CD28: variants seen among roughly 807,000 people sequenced by gnomAD.
CD28 encodes the protein T-cell-specific surface glycoprotein CD28.
In CD28, 8 loss-of-function variants were observed where a neutral mutation model predicts 21.4. That is an observed-to-expected ratio of 0.37 (90% CI 0.22 to 0.68). The LOEUF is 0.68. Among genes scored for constraint, CD28 ranks in the 30% least tolerant of loss-of-function variants. The pLI, the probability that CD28 is intolerant of heterozygous loss-of-function variation, is 0.55. For missense variants in CD28, 239 were observed against 272.2 expected (o/e 0.88, Z 0.86); for synonymous variants, 106 against 104.0 (o/e 1.02, Z -0.12).
At chr2:203,729,875 G>A in intron 3 of CD28, 103 bp downstream of exon 3, 2 of 1,182,300 alleles carry the variant, frequency 1.7e-6, no homozygotes, top group East Asian at 2.4e-5. Flanking sequence ...TTTAATATAG[G>A]ATGATGATTT....
At chr2:203,728,968 G>A (rs1446450341) in intron 2 of CD28, among the ~76,000 whole-genome samples, 1 of 152,140 alleles carries the variant, frequency 6.6e-6, no homozygotes, top group Non-Finnish European at 1.5e-5. Context: ...GTTGAGGAAG[G>A]GGTGCTGGAC....
chr2:203,716,357 T>C (rs184279163), intron 1 of CD28, among the ~76,000 whole-genome samples: 1 of 152,354 alleles, frequency 6.6e-6, no homozygotes, highest in Non-Finnish European at 1.5e-5. Flanking sequence ...AAAGGGTTCA[T>C]GTACCACGGA....
chr2:203,735,030 C>CA lies in CD28; in HGVS notation c.*120dup. 8.1e-7 allele frequency: 1 copy of CA among 1,237,826 alleles called. No homozygotes were observed. Among genetic ancestry groups the CA allele is most frequent in the Non-Finnish European group, 1.1e-6 (1 of 889,172 alleles). The allele number at this position is 1,237,826 out of a possible 1,614,324, so 76.7% of individuals were successfully genotyped here. A position where few individuals can be genotyped will look rare whatever the true frequency, so the allele number is the denominator to read the frequency against. On this transcript the variant is annotated 3_prime_UTR_variant, in exon 4 of 4. Transcript: ENST00000324106. ...CCACCTCAGGCCCCTGTTGGGCCAC[C>CA]AATGCCAATTTTTCTCGAGTGACTA...
At chr2:203,718,731 T>C (rs1693529277) in intron 1 of CD28, among the ~76,000 whole-genome samples, 1 of 152,218 alleles carries the variant, frequency 6.6e-6, no homozygotes, top group African/African-American at 2.4e-5. Context: ...TATTTCTCTA[T>C]GGTGCTACGA....
At position 203,734,754 on chromosome 2, in the gene CD28, C is replaced by T. The variant is rs778118170; in HGVS notation, c.535-30C>T. The T allele has an allele frequency of 6.2e-6, 10 of 1,613,290 alleles. No individual in the cohort carries two copies. The South Asian group carries it at 1.1e-4, about 18-fold the overall frequency. ...TTAGAACTCCTTCCATGACATTGTC[C>T]CTCCATACTGACACTTCTCTTTCCT... On this transcript the variant is annotated intron_variant, in intron 3 of 3. Transcript: ENST00000324106.
At position 203,735,302 on chromosome 2, in the gene CD28, T is replaced by C. The variant is rs1446048946; in HGVS notation, c.*390T>C. On this transcript the variant is annotated 3_prime_UTR_variant, in exon 4 of 4. Coordinates refer to ENST00000324106, the MANE Select transcript of CD28 (RefSeq NM_006139.4). ...GACATTTTAGTTGCAGAAGAAAGGC[T>C]AGGAAATCATTCCTTTTGGTTAAAT... is the stretch of plus-strand genomic sequence containing the variant. 1 of 189,152 alleles carries C rather than the reference T, an allele frequency of 5.3e-6. No homozygotes were observed. The highest frequency in any genetic ancestry group is 2.4e-5 in the African/African-American group (1 of 42,166). 11.7% of individuals were successfully genotyped at this position (189,152 alleles called of 1,614,324 possible).
At chr2:203,732,798 C>A (rs1487329931) in intron 3 of CD28, among the ~76,000 whole-genome samples, 3 of 152,328 alleles carry the variant, frequency 2.0e-5, no homozygotes, top group Middle Eastern at 3.4e-3. Flanking sequence ...ATGCATCTGT[C>A]ATTTTCATCC....
chr2:203,721,740 T>A (rs1693611133), intron 1 of CD28, among the ~76,000 whole-genome samples: 1 of 152,218 alleles, frequency 6.6e-6, no homozygotes, highest in African/African-American at 2.4e-5. Flanking sequence ...TGTCACTATG[T>A]TTAAAGTAGG....
intron 1 of CD28, among the ~76,000 whole-genome samples, chr2:203,720,381 A>G (rs1269304715): frequency 6.6e-6 from 1 of 152,224 alleles, no homozygotes; most frequent in African/African-American, 2.4e-5. Context: ...AAGAAAATGG[A>G]TGGGTTGACA....
rs548433640 is a variant in CD28, at chr2:203,712,508, C to CA, written c.52+5762dup. 4.7e-3 allele frequency among the ~76,000 whole-genome samples: 712 copies of CA among 152,308 alleles called. 9 individuals are homozygous for CA. Among genetic ancestry groups the CA allele is most frequent in the Non-Finnish European group, 4.3e-3 (290 of 68,022 alleles). ...CAAAGAGAGGGACTTCCTTCCCTCT[C>CA]AAGTTTCTCCAAATTATTACTGTGT... On this transcript the variant is annotated intron_variant, in intron 1 of 3. Transcript: ENST00000324106.
intron 1 of CD28, among the ~76,000 whole-genome samples, chr2:203,720,946 T>C (rs904569610): frequency 3.3e-5 from 5 of 152,262 alleles, no homozygotes; most frequent in African/African-American, 1.2e-4. Context: ...TATAGAGATT[T>C]TGAGGTCCTG....
At chr2:203,731,866 AG>A (rs1693903419) in intron 3 of CD28, among the ~76,000 whole-genome samples, 1 of 152,172 alleles carries the variant, frequency 6.6e-6, no homozygotes, top group African/African-American at 2.4e-5. Context: ...TGAATTGGGC[AG>A]TCCTGTCATT....
At chr2:203,732,364 G>A (rs1693917269) in intron 3 of CD28, among the ~76,000 whole-genome samples, 1 of 152,188 alleles carries the variant, frequency 6.6e-6, no homozygotes, top group Non-Finnish European at 1.5e-5. Context: ...ACCTGTCACT[G>A]TCTTTCAATT....
intron 1 of CD28, among the ~76,000 whole-genome samples, chr2:203,722,579 T>G (rs910045722): frequency 7.2e-5 from 11 of 152,352 alleles, no homozygotes; most frequent in African/African-American, 2.6e-4. Flanking sequence ...TTAGTCATAC[T>G]GTGTTATGTA....
At chr2:203,716,454 T>C (rs1026367246) in intron 1 of CD28, among the ~76,000 whole-genome samples, 1 of 152,170 alleles carries the variant, frequency 6.6e-6, no homozygotes, top group African/African-American at 2.4e-5. Flanking sequence ...TCCCATCTCC[T>C]AAGAATCAAG....
At chr2:203,715,598 G>GT (rs1693442797) in intron 1 of CD28, among the ~76,000 whole-genome samples, 1 of 152,096 alleles carries the variant, frequency 6.6e-6, no homozygotes, top group Non-Finnish European at 1.5e-5. Flanking sequence ...ACAGGTGATG[G>GT]TTTTTAGCAA....
At position 203,738,610 on chromosome 2, in the gene CD28, C is replaced by A. The variant is rs1694107590; in HGVS notation, c.*3698C>A. On this transcript the variant is annotated 3_prime_UTR_variant, in exon 4 of 4. Coordinates refer to ENST00000324106, the MANE Select transcript of CD28 (RefSeq NM_006139.4). ...TCACAGGCATGTTCCTACCTCAGGGCCTTTACATGTCCTGTTTACTCTGTC... is the reference window on the plus strand; with the variant it reads ...TCACAGGCATGTTCCTACCTCAGGGACTTTACATGTCCTGTTTACTCTGTC... 1 of 152,148 alleles carries A rather than the reference C, an allele frequency of 6.6e-6. No homozygotes were observed. Among genetic ancestry groups the A allele is most frequent in the Non-Finnish European group, 1.5e-5 (1 of 68,036 alleles). The allele number at this position is 152,148 out of a possible 1,614,324, so 9.4% of individuals were successfully genotyped here.
chr2:203,723,521 A>T (rs1420253604), intron 1 of CD28, among the ~76,000 whole-genome samples: 1 of 152,122 alleles, frequency 6.6e-6, no homozygotes, highest in Non-Finnish European at 1.5e-5. Context: ...ATGCATACAG[A>T]ACTCCAATAA....
intron 1 of CD28, among the ~76,000 whole-genome samples, chr2:203,719,393 C>T (rs558022821): frequency 4.5e-4 from 68 of 152,298 alleles, no homozygotes; most frequent in Middle Eastern, 3.4e-3. Context: ...TGGTCCTCTT[C>T]CCATTCCATT....
Sources: gnomAD v4.1 joint callset for allele counts (sites outside exome capture counted in the v4.1 genomes callset) on GRCh38, gnomAD v4.1.1 for gene constraint, MANE v1.5 for transcripts, NCBI Gene and HGNC (gene_info 2026-07-23, HGNC 2026-07-21) for gene names.